Variants in SHANK2 observed in about 807,000 individuals in gnomAD.
The protein encoded by SHANK2 is SH3 and multiple ankyrin repeat domains 2.
Under a neutral mutation model 133.7 loss-of-function variants are expected in SHANK2, and 43 were observed. The ratio of observed to expected loss-of-function variants is 0.32; its 90% CI spans 0.25 to 0.41. The LOEUF (loss-of-function observed/expected upper bound fraction) is 0.41. Ranked by LOEUF, SHANK2 falls within the 10% of genes least tolerant of loss-of-function variation. The pLI is 1.00. For missense variants in SHANK2, 1,994 were observed against 2,235.8 expected, an observed-to-expected ratio of 0.89 and a Z score of 2.18; for synonymous variants, 1,017 against 952.8, an observed-to-expected ratio of 1.07 and a Z score of -1.24.
intron 14 of SHANK2, among the ~76,000 whole-genome samples, chr11:70,719,056 T>C (rs1946017169): frequency 6.6e-6 from 1 of 152,206 alleles, no homozygotes; most frequent in African/African-American, 2.4e-5. Context: ...GAAGATCAGC[T>C]TTGTTCCTGT....
Position 71,094,559 on chromosome 11 carries a change from G to C in SHANK2, c.722C>G (p.Ala241Gly). 2 of 1,551,224 alleles carry C rather than the reference G, an allele frequency of 1.3e-6. No homozygotes were observed. Among genetic ancestry groups the C allele is most frequent in the Non-Finnish European group, 1.7e-6 (2 of 1,146,716 alleles). The change falls in exon 7 of 26, where the codon GCG becomes GGG. Residue 241 changes from alanine (A) to glycine (G), a missense_variant. Coordinates refer to ENST00000601538, the MANE Select transcript of SHANK2 (RefSeq NM_012309.5). ...TACCTTCAGGGCAACTTGGTTCCTC[G>C]CTCGGGCAGCTTTGTGTAGGGCGGT... The part of the protein sequence containing the change: ...GMTALHKAAR[A>G]RNQVALKTLL...
chr11:71,071,168 T>C (rs996021515), intron 9 of SHANK2, among the ~76,000 whole-genome samples: 7 of 152,206 alleles, frequency 4.6e-5, no homozygotes, highest in African/African-American at 1.7e-4. Flanking sequence ...AAGCAGTAAT[T>C]AGGAAGCAGA....
intron 17 of SHANK2, among the ~76,000 whole-genome samples, chr11:70,614,715 C>G (rs539171675): frequency 9.1e-4 from 138 of 152,344 alleles, no homozygotes; most frequent in Non-Finnish European, 1.4e-3. Flanking sequence ...CCAAATAGGC[C>G]TTGGGTCTGT....
At chr11:70,903,108 G>T (rs1336451733) in intron 10 of SHANK2, among the ~76,000 whole-genome samples, 1 of 152,236 alleles carries the variant, frequency 6.6e-6, no homozygotes, top group Admixed American at 6.5e-5. Flanking sequence ...TGGACTCAGT[G>T]GCTCATGCCT....
intron 2 of SHANK2, among the ~76,000 whole-genome samples, chr11:71,189,293 C>A (rs1565503751): frequency 6.6e-6 from 1 of 152,236 alleles, no homozygotes; most frequent in South Asian, 2.1e-4. Context: ...TTATTCCAGT[C>A]GCTGGTGCCT....
chr11:70,595,750 A>C (rs77778540), intron 17 of SHANK2, among the ~76,000 whole-genome samples: 5,591 of 152,352 alleles, frequency 0.037, 136 homozygotes, highest in East Asian at 0.099. Flanking sequence ...AGGCTCACCC[A>C]GAAGTGGACT....
At chr11:71,169,754 C>CAAA (rs35339054) in intron 2 of SHANK2, among the ~76,000 whole-genome samples, 24 of 90,286 alleles carry the variant, frequency 2.7e-4, no homozygotes, top group Admixed American at 6.4e-4. Context: ...GACTCCATCT[C>CAAA]AAAAAAAAAA....
chr11:70,705,668 GAGAAA>G (rs1945648086), intron 14 of SHANK2: 1 of 152,200 alleles, frequency 6.6e-6, no homozygotes, highest in Non-Finnish European at 1.5e-5. Context: ...CTTAACCATG[GAGAAA>G]CTTCTTGACG....
chr11:70,489,445 C>T (rs1385709276), intron 23 of SHANK2, 97 bp from the exon 24 acceptor site: 4 of 1,141,674 alleles, frequency 3.5e-6, no homozygotes, highest in Non-Finnish European at 5.3e-6. Flanking sequence ...TTAAGCACAG[C>T]AGACACCACC....
chr11:70,630,166 G>C (rs904762514), intron 17 of SHANK2, among the ~76,000 whole-genome samples: 1 of 152,230 alleles, frequency 6.6e-6, no homozygotes, highest in African/African-American at 2.4e-5. Flanking sequence ...GTGGGCTGCA[G>C]AGCCCACGCT....
chr11:70,504,673 C>T (rs1345072952), intron 17 of SHANK2, among the ~76,000 whole-genome samples: 1 of 152,298 alleles, frequency 6.6e-6, no homozygotes, highest in East Asian at 1.9e-4. Flanking sequence ...CCTACAGCGG[C>T]AGCGGTCTTT....
At chr11:70,580,167 G>A (rs562193592) in intron 17 of SHANK2, among the ~76,000 whole-genome samples, 14 of 152,346 alleles carry the variant, frequency 9.2e-5, no homozygotes, top group East Asian at 3.9e-4. Context: ...TCAGAAAGCC[G>A]TGGACATCCA....
chr11:71,167,986 G>T (rs1183353059), intron 2 of SHANK2, among the ~76,000 whole-genome samples: 1 of 141,084 alleles, frequency 7.1e-6, no homozygotes, highest in Non-Finnish European at 1.6e-5. Context: ...TCACTTCCCA[G>T]ACGGGGTGGC....
At chr11:71,111,510 C>A (rs1393640287) in intron 5 of SHANK2, among the ~76,000 whole-genome samples, 1 of 152,238 alleles carries the variant, frequency 6.6e-6, no homozygotes, top group Non-Finnish European at 1.5e-5. Flanking sequence ...TCTGGGCTGT[C>A]TGAGCAGGAC....
chr11:71,113,133 C>G (rs1339436161), intron 5 of SHANK2, among the ~76,000 whole-genome samples, 160 bp downstream of exon 5: 2 of 152,220 alleles, frequency 1.3e-5, no homozygotes, highest in Non-Finnish European at 2.9e-5. Context: ...GCAGTGTGCA[C>G]CGTAAGGGCC....
chr11:70,934,124 C>A (rs1555083039), intron 10 of SHANK2, among the ~76,000 whole-genome samples: 1 of 151,652 alleles, frequency 6.6e-6, no homozygotes, highest in Non-Finnish European at 1.5e-5. Flanking sequence ...CCCAGCCACT[C>A]CATAGGCAGA....
At chr11:70,518,815 G>C (rs1373790167) in intron 17 of SHANK2, among the ~76,000 whole-genome samples, 1 of 152,210 alleles carries the variant, frequency 6.6e-6, no homozygotes, top group Non-Finnish European at 1.5e-5. Flanking sequence ...AGCAGCCACT[G>C]GTAAATGCCA....
chr11:70,948,291 G>C (rs1555085836), intron 10 of SHANK2: 2 of 457,094 alleles, frequency 4.4e-6, no homozygotes, highest in Admixed American at 4.7e-5. Flanking sequence ...CTGCTTACTT[G>C]TTAATTATCT....
At chr11:70,915,340 C>T (rs1035808418) in intron 10 of SHANK2, among the ~76,000 whole-genome samples, 12 of 152,216 alleles carry the variant, frequency 7.9e-5, no homozygotes, top group African/African-American at 2.7e-4. Context: ...AGCAACTACA[C>T]GCTGGCGCCT....
Sources: allele counts gnomAD v4.1 joint callset (sites outside exome capture counted in the v4.1 genomes callset), GRCh38; gene constraint gnomAD v4.1.1; transcripts MANE v1.5; gene names NCBI Gene and HGNC (gene_info 2026-07-23, HGNC 2026-07-21).